Variants in ANO2 observed in about 807,000 individuals in gnomAD.
ANO2 encodes the protein anoctamin-2.
A neutral mutation model predicts 124.2 loss-of-function variants in ANO2; 101 were observed. The observed-to-expected ratio is 0.81, with a 90% CI of 0.69 to 0.96. ANO2 has a LOEUF of 0.96. Ranked by LOEUF, ANO2 falls within the 40% of genes least tolerant of loss-of-function variation. The pLI is 0.00. For missense variants in ANO2, 1,293 were observed against 1,274.5 expected (o/e 1.01, Z -0.22); for synonymous variants, 486 against 482.5 (o/e 1.01, Z -0.09).
rs150932870 is a variant in ANO2, at chr12:5,811,262, C to T, written c.893-3894G>A. Among the ~76,000 whole-genome samples the T allele has an allele frequency of 1.1e-4, 17 of 152,294 alleles. No homozygotes were observed. In the East Asian group the frequency reaches 2.3e-3, roughly 21 times the overall value. On this transcript the variant is annotated intron_variant, in intron 7 of 24. Coordinates refer to ENST00000682330, the MANE Select transcript of ANO2 (RefSeq NM_001364791.2). ...CTTTCATCCCTGCACTCCAGCCGGA[C>T]GTAAATCTAAACCAGAACTCCCAGA... is the stretch of plus-strand genomic sequence containing the variant.
chr12:5,697,981 C>T (rs538820625), intron 14 of ANO2, among the ~76,000 whole-genome samples: 3 of 152,228 alleles, frequency 2.0e-5, no homozygotes, highest in African/African-American at 7.2e-5. Context: ...GTGGAGCTCA[C>T]CACAGCTCAA....
intron 10 of ANO2, among the ~76,000 whole-genome samples, chr12:5,752,459 T>G (rs1951466829): frequency 6.6e-6 from 1 of 152,232 alleles, no homozygotes; most frequent in East Asian, 1.9e-4. Flanking sequence ...TGATGAATTG[T>G]GACATTAAAC....
chr12:5,695,137 A>C (rs1442746090), intron 14 of ANO2, among the ~76,000 whole-genome samples: 2 of 152,188 alleles, frequency 1.3e-5, no homozygotes, highest in Admixed American at 6.5e-5. Flanking sequence ...GCTCCCTAGA[A>C]GAAAAAGGAA....
intron 15 of ANO2, among the ~76,000 whole-genome samples, chr12:5,637,352 T>TGTGA (rs542835802): frequency 6.3e-4 from 95 of 151,162 alleles, no homozygotes; most frequent in African/African-American, 2.3e-3. Flanking sequence ...TGTGTGTGTG[T>TGTGA]GTGTGTGTAC....
At chr12:5,883,111 C>T (rs1938618192) in intron 3 of ANO2, among the ~76,000 whole-genome samples, 2 of 152,092 alleles carry the variant, frequency 1.3e-5, no homozygotes, top group African/African-American at 2.4e-5. Context: ...TTAACACACA[C>T]AGCCCGTGTC....
At chr12:5,739,020 C>A in intron 13 of ANO2, 1 of 535,028 alleles carries the variant, frequency 1.9e-6, no homozygotes, top group Non-Finnish European at 3.6e-6. Context: ...TACGTCTTGC[C>A]TCTTGTTCTT....
chr12:5,740,661 TC>T (rs1218193057), intron 12 of ANO2, among the ~76,000 whole-genome samples: 8 of 152,116 alleles, frequency 5.3e-5, no homozygotes, highest in Non-Finnish European at 1.2e-4. Flanking sequence ...AGAGGAGGCA[TC>T]CGAGCTGATT....
chr12:5,672,334 A>T (rs1948049901), intron 14 of ANO2, among the ~76,000 whole-genome samples: 1 of 152,328 alleles, frequency 6.6e-6, no homozygotes, highest in Middle Eastern at 3.4e-3. Flanking sequence ...AGGCATGCTG[A>T]GTTGTCGGTG....
rs562110798 is a variant in ANO2, at chr12:5,671,725, G to A, written c.1546-23924C>T. The stretch of plus-strand genomic sequence containing the variant: ...CCCTTGGAGGGAAAAATAACACAGT[G>A]CAAATGACAATACTCGAAAGCCTAG... On this transcript the variant is annotated intron_variant, in intron 14 of 24. Coordinates refer to ENST00000682330, the MANE Select transcript of ANO2 (RefSeq NM_001364791.2). Among the ~76,000 whole-genome samples, 7 of 152,250 alleles carry A rather than the reference G, an allele frequency of 4.6e-5. No homozygotes were observed. In the South Asian group the frequency reaches 1.5e-3, roughly 32 times the overall value.
At chr12:5,893,711 A>T (rs1939573547) in intron 3 of ANO2, among the ~76,000 whole-genome samples, 3 of 149,782 alleles carry the variant, frequency 2.0e-5, no homozygotes, top group Admixed American at 6.6e-5. Context: ...TCATTGTTCA[A>T]CTCCCACTTG....
chr12:5,772,649 T>G (rs1295964874), intron 10 of ANO2, among the ~76,000 whole-genome samples: 3 of 152,222 alleles, frequency 2.0e-5, no homozygotes, highest in Non-Finnish European at 2.9e-5. Flanking sequence ...TTTTCTTACA[T>G]AATTTAATGT....
chr12:5,787,218 C>G lies in ANO2; in HGVS notation c.1055+12289G>C, dbSNP rs193238309. Among the ~76,000 whole-genome samples, 198 of 152,276 alleles carry G rather than the reference C, an allele frequency of 1.3e-3. 1 individual carries two copies. Among genetic ancestry groups the G allele is most frequent in the Non-Finnish European group, 1.6e-3 (111 of 68,004 alleles). ...TCCCAGTTCCTTTCCAGTGCCCCAG[C>G]CAGAAGAACCCCTGATCCTTCAACT... On this transcript the variant is annotated intron_variant, in intron 10 of 24. Transcript: ENST00000682330. The surrounding 1 kb of genome is among the most constrained non-coding windows in gnomAD (Gnocchi z 4.2).
intron 14 of ANO2, among the ~76,000 whole-genome samples, chr12:5,662,989 G>A (rs1406290915): frequency 2.6e-5 from 4 of 152,182 alleles, no homozygotes; most frequent in Admixed American, 2.0e-4. Flanking sequence ...GACACTTCCT[G>A]CAGACACACT....
chr12:5,723,993 A>G (rs1950337477), intron 14 of ANO2, among the ~76,000 whole-genome samples: 1 of 152,078 alleles, frequency 6.6e-6, no homozygotes, highest in South Asian at 2.1e-4. Flanking sequence ...GACAGAACCC[A>G]GGCCATTTTC....
At chr12:5,768,587 G>A (rs925234898) in intron 10 of ANO2, among the ~76,000 whole-genome samples, 1 of 152,180 alleles carries the variant, frequency 6.6e-6, no homozygotes, top group Non-Finnish European at 1.5e-5. Context: ...AGACGTGCAC[G>A]GAGGACTCAC....
At chr12:5,912,911 A>T (rs373189776) in intron 3 of ANO2, among the ~76,000 whole-genome samples, 30 of 152,334 alleles carry the variant, frequency 2.0e-4, no homozygotes, top group African/African-American at 6.7e-4. Flanking sequence ...AGTAGAGACG[A>T]GGGCATCATT....
rs767311671 is a variant in ANO2, at chr12:5,744,266, G to T, written c.1242C>A (p.Asp414Glu). ...QNAFTMCPLC[D>E]KSCDYWNLSS... ...TGAGGTTCCAGTAATCACAGGACTT[G>T]TCACACAGGGGACACATGGTGAAGG... Residue 414 changes from aspartate (D) to glutamate (E), a missense_variant, in exon 12 of 25, where the codon GAC (aspartate) becomes GAA (glutamate). Physicochemically the swap from Asp to Glu is conservative, Grantham distance 45. Coordinates refer to ENST00000682330, the MANE Select transcript of ANO2 (RefSeq NM_001364791.2). 1.2e-6 allele frequency: 2 copies of T among 1,613,870 alleles called. No homozygotes were observed. The highest frequency in any genetic ancestry group is 2.2e-5 in the East Asian group (1 of 44,876).
chr12:5,832,627 C>A, intron 4 of ANO2, 24 bp from the exon 5 acceptor site: 3 of 1,597,156 alleles, frequency 1.9e-6, no homozygotes, highest in South Asian at 2.2e-5. Context: ...AGCCACAGGT[C>A]TGAAAAGGGG....
At chr12:5,564,018 C>T (rs1029490367) in intron 24 of ANO2, among the ~76,000 whole-genome samples, 4 of 152,208 alleles carry the variant, frequency 2.6e-5, no homozygotes, top group East Asian at 1.9e-4. Flanking sequence ...TGGGCTGTCA[C>T]GGTGCCACTT....
Sources: allele counts gnomAD v4.1 joint callset (sites outside exome capture counted in the v4.1 genomes callset), GRCh38; gene constraint gnomAD v4.1.1; non-coding constraint Gnocchi (gnomAD v3.1); transcripts MANE v1.5; gene names NCBI Gene and HGNC (gene_info 2026-07-23, HGNC 2026-07-21).